The following WWOX variants were observed in gnomAD, a reference collection of about 807,000 sequenced individuals.
The protein encoded by WWOX is WW domain containing oxidoreductase, also known as WW domain-containing oxidoreductase.
A neutral mutation model predicts 46.2 loss-of-function variants in WWOX; 69 were observed. The ratio of observed to expected loss-of-function variants is 1.49; its 90% CI spans 1.23 to 1.82. The LOEUF (loss-of-function observed/expected upper bound fraction) is 1.82. Ranked by LOEUF, WWOX falls within the 40% of genes most tolerant of loss-of-function variation. The probability of loss-of-function intolerance (pLI) is 0.00; values close to 1 mark genes in which losing one functional copy is unlikely to be tolerated. For missense variants in WWOX, 919 were observed against 542.6 expected (o/e 1.69, Z -6.89); for synonymous variants, 359 against 202.6 (o/e 1.77, Z -6.56).
At chr16:78,324,242 G>A (rs1236892426) in intron 5 of WWOX, among the ~76,000 whole-genome samples, 9 of 152,086 alleles carry the variant, frequency 5.9e-5, no homozygotes, top group Non-Finnish European at 1.3e-4. Context: ...CCTGGTCTTA[G>A]ATACTGCTCA....
intron 8 of WWOX, among the ~76,000 whole-genome samples, chr16:78,635,254 C>A (rs1355309286): frequency 6.6e-6 from 1 of 152,126 alleles, no homozygotes; most frequent in Non-Finnish European, 1.5e-5. Flanking sequence ...TCAATCTAAA[C>A]CTTAAGTATT....
At chr16:78,806,619 A>G (rs901996085) in intron 8 of WWOX, among the ~76,000 whole-genome samples, 1 of 152,044 alleles carries the variant, frequency 6.6e-6, no homozygotes, top group African/African-American at 2.4e-5. Context: ...TCCTCACAAT[A>G]TGGCGGCTGG....
intron 6 of WWOX, among the ~76,000 whole-genome samples, chr16:78,410,198 G>A (rs906975157): frequency 4.3e-4 from 66 of 152,288 alleles, no homozygotes; most frequent in African/African-American, 1.3e-3. Context: ...AGGCCTCACC[G>A]GAAGCCAAGC....
rs117209694 is a variant in WWOX, at chr16:78,432,686, C to T, written c.990C>T (p.Asn330=). 2.0e-5 allele frequency: 33 copies of T among 1,614,088 alleles called. 1 individual carries two copies. Among genetic ancestry groups the T allele is most frequent in the Non-Finnish European group, 2.5e-5 (29 of 1,180,040 alleles). ...ATCCTGGAAATATGATGTACTCCAACATTCATCGCAGCTGGTGGGTGTACA... is the reference window on the plus strand; with the variant it reads ...ATCCTGGAAATATGATGTACTCCAATATTCATCGCAGCTGGTGGGTGTACA... ...AVHPGNMMYS[N]IHRSWWVYTL... Residue 330 remains asparagine, a synonymous_variant, in exon 8 of 9, where the codon AAC becomes AAT. Coordinates refer to ENST00000566780, the MANE Select transcript of WWOX (RefSeq NM_016373.4).
chr16:78,631,033 G>C (rs114701404), intron 8 of WWOX, among the ~76,000 whole-genome samples: 2,148 of 152,168 alleles, frequency 0.014, 40 homozygotes, highest in African/African-American at 0.049. Context: ...TTTATATCGT[G>C]TTTATATTGT....
At chr16:78,646,000 C>A (rs140490387) in intron 8 of WWOX, among the ~76,000 whole-genome samples, 1 of 152,142 alleles carries the variant, frequency 6.6e-6, no homozygotes, top group African/African-American at 2.4e-5. Context: ...CCTCCTCTCC[C>A]CCTTTGTCAT....
intron 5 of WWOX, among the ~76,000 whole-genome samples, chr16:78,203,400 A>G (rs753024042): frequency 1.3e-5 from 2 of 152,232 alleles, no homozygotes; most frequent in Admixed American, 6.5e-5. Context: ...ATATGTTTCA[A>G]TGGAGAAGAG....
chr16:78,214,764 G>T (rs2036664051), intron 5 of WWOX, among the ~76,000 whole-genome samples: 1 of 150,130 alleles, frequency 6.7e-6, no homozygotes, highest in Non-Finnish European at 1.5e-5. Context: ...GTCTTTATTT[G>T]TTTCTTAATG....
At chr16:78,869,360 C>G (rs1286972783) in intron 8 of WWOX, among the ~76,000 whole-genome samples, 1 of 152,182 alleles carries the variant, frequency 6.6e-6, no homozygotes, top group East Asian at 1.9e-4. Context: ...AGCATCCAGA[C>G]TGCAACCTGT....
At chr16:78,626,526 A>G (rs1316105189) in intron 8 of WWOX, among the ~76,000 whole-genome samples, 1 of 152,164 alleles carries the variant, frequency 6.6e-6, no homozygotes, top group Non-Finnish European at 1.5e-5. Flanking sequence ...TTTTCATCAC[A>G]TCGTATCAAG....
chr16:78,122,035 A>T (rs1464398848), intron 4 of WWOX, among the ~76,000 whole-genome samples: 1 of 152,144 alleles, frequency 6.6e-6, no homozygotes, highest in African/African-American at 2.4e-5. Context: ...AGAGAGAGAG[A>T]GTGTGAGAGA....
At chr16:78,833,034 CTT>C (rs35798902) in intron 8 of WWOX, among the ~76,000 whole-genome samples, 69,698 of 139,408 alleles carry the variant, frequency 0.5, 17,942 homozygotes, top group Middle Eastern at 0.66. Flanking sequence ...TTCTCTCGAT[CTT>C]TTTTTTTTTT....
At chr16:78,596,624 G>T (rs1238574890) in intron 8 of WWOX, among the ~76,000 whole-genome samples, 1 of 152,186 alleles carries the variant, frequency 6.6e-6, no homozygotes, top group African/African-American at 2.4e-5. Context: ...TATGGAACAT[G>T]CTGATTTCAA....
intron 8 of WWOX, among the ~76,000 whole-genome samples, chr16:78,927,853 T>C (rs1394017353): frequency 1.3e-5 from 2 of 152,230 alleles, no homozygotes; most frequent in Non-Finnish European, 2.9e-5. Flanking sequence ...CTGTTTATTT[T>C]TGTTTCTAAC....
chr16:78,644,865 T>A (rs76889353), intron 8 of WWOX, among the ~76,000 whole-genome samples: 1 of 152,178 alleles, frequency 6.6e-6, no homozygotes, highest in Middle Eastern at 3.2e-3. Flanking sequence ...TAGAAGAGGA[T>A]AGATGTAGAA....
At chr16:79,096,703 G>A (rs775230425) in intron 8 of WWOX, among the ~76,000 whole-genome samples, 14 of 151,974 alleles carry the variant, frequency 9.2e-5, no homozygotes, top group East Asian at 3.9e-4. Context: ...CTTTCTCCCC[G>A]CTCTTTGAGA....
At chr16:79,061,861 C>T (rs1445643192) in intron 8 of WWOX, among the ~76,000 whole-genome samples, 1 of 152,174 alleles carries the variant, frequency 6.6e-6, no homozygotes, top group African/African-American at 2.4e-5. Flanking sequence ...TTTTGGCAGC[C>T]TTACTTGGTA....
chr16:78,855,452 C>T lies in WWOX; in HGVS notation c.1057-356156C>T, dbSNP rs373739952. On this transcript the variant is annotated intron_variant, in intron 8 of 8. Transcript: ENST00000566780. The stretch of plus-strand genomic sequence containing the variant: ...TTAATCACAGGTGATCTGAAAGGCA[C>T]CACCTATCTTTTGCTATGTTCACTT... Among the ~76,000 whole-genome samples the T allele has an allele frequency of 2.6e-5, 4 of 152,270 alleles. No individual in the cohort carries two copies. In the South Asian group the frequency reaches 8.3e-4, roughly 32 times the overall value.
intron 8 of WWOX, chr16:79,016,595 G>C (rs1484397981): frequency 6.6e-6 from 1 of 152,272 alleles, no homozygotes; most frequent in Admixed American, 6.5e-5. Flanking sequence ...CCTAATTTTT[G>C]TGTTTTTAGT....
Sources: allele counts gnomAD v4.1 joint callset (sites outside exome capture counted in the v4.1 genomes callset), GRCh38; gene constraint gnomAD v4.1.1; transcripts MANE v1.5; gene names NCBI Gene and HGNC (gene_info 2026-07-23, HGNC 2026-07-21).